Variants in MARK3 observed in about 807,000 individuals in gnomAD.
MARK3 encodes the protein MAP/microtubule affinity-regulating kinase 3.
Under a neutral mutation model 90.1 loss-of-function variants are expected in MARK3, and 46 were observed. The observed-to-expected ratio is 0.51, with a 90% CI of 0.40 to 0.65. The LOEUF (loss-of-function observed/expected upper bound fraction) is 0.65. MARK3 is among the 30% of genes least tolerant of loss of function. MARK3 has a pLI of 0.00. For missense variants in MARK3, 818 were observed against 947.2 expected (o/e 0.86, Z 1.79); for synonymous variants, 321 against 332.6 (o/e 0.97, Z 0.38).
At chr14:103,497,162 A>G (rs2075397333) in intron 15 of MARK3, among the ~76,000 whole-genome samples, 1 of 152,254 alleles carries the variant, frequency 6.6e-6, no homozygotes, top group South Asian at 2.1e-4. Context: ...GGCAGTATAT[A>G]TTAAAGATTT....
chr14:103,488,190 AG>A (rs1159026545), intron 14 of MARK3, among the ~76,000 whole-genome samples: 1 of 152,214 alleles, frequency 6.6e-6, no homozygotes, highest in Non-Finnish European at 1.5e-5. Context: ...CAGTCTAAAC[AG>A]GCTTAAATAT....
Position 103,503,507 on chromosome 14 carries a change from A to G in MARK3, c.*280A>G, listed in dbSNP as rs1034638994. ...TGCCTCCCGTCTGGGTGGGTGTGAG[A>G]GTGGACGGTATGTGTGTGAAGTGGT... is the stretch of plus-strand genomic sequence containing the variant. On this transcript the variant is annotated 3_prime_UTR_variant, in exon 18 of 18. Coordinates refer to ENST00000429436, the MANE Select transcript of MARK3 (RefSeq NM_001128918.3). 18 of 451,140 alleles carry G rather than the reference A, an allele frequency of 4.0e-5. No homozygotes were observed. The highest frequency in any genetic ancestry group is 7.8e-5 in the Admixed American group (2 of 25,658). The allele number at this position is 451,140 out of a possible 1,614,324, so 27.9% of individuals were successfully genotyped here.
chr14:103,430,759 T>G (rs1314944024), intron 3 of MARK3, among the ~76,000 whole-genome samples: 1 of 152,238 alleles, frequency 6.6e-6, no homozygotes, highest in Non-Finnish European at 1.5e-5. Context: ...CTGAGTTGAC[T>G]ATGTTTGCAA....
At chr14:103,409,020 G>A (rs2091470834) in intron 2 of MARK3, among the ~76,000 whole-genome samples, 1 of 152,036 alleles carries the variant, frequency 6.6e-6, no homozygotes, top group Admixed American at 6.6e-5. Context: ...TCCTCATGTG[G>A]GCAGAGATGG....
intron 10 of MARK3, among the ~76,000 whole-genome samples, chr14:103,466,767 G>A (rs1467594798): frequency 6.6e-6 from 1 of 152,178 alleles, no homozygotes; most frequent in Admixed American, 6.5e-5. Context: ...CACTTTGGGA[G>A]GCCAAGGCGG....
chr14:103,486,892 GTATGTCAAAAAGTTTAT>G (rs2093939131), intron 14 of MARK3, among the ~76,000 whole-genome samples: 1 of 141,742 alleles, frequency 7.1e-6, no homozygotes, highest in African/African-American at 3.0e-5. Context: ...TTTAAAATTA[GTATGTCAAAAAGTTTAT>G]TTATTTATTT....
At chr14:103,464,766 A>C (rs1011173138) in intron 7 of MARK3, among the ~76,000 whole-genome samples, 8 of 145,466 alleles carry the variant, frequency 5.5e-5, no homozygotes, top group African/African-American at 2.1e-4. Context: ...GCACAGTCAT[A>C]GCTCACTGCA....
chr14:103,500,309 A>G, intron 17 of MARK3, 109 bp downstream of exon 17: 1 of 830,246 alleles, frequency 1.2e-6, no homozygotes, highest in Middle Eastern at 3.3e-4. Context: ...CTGTCTCTGT[A>G]GGAGTTACGT....
intron 14 of MARK3, chr14:103,490,576 T>G (rs1221601314): frequency 6.6e-6 from 1 of 152,190 alleles, no homozygotes; most frequent in Non-Finnish European, 1.5e-5. Flanking sequence ...GGGAACAGGT[T>G]GAGAGCATAG....
At chr14:103,449,921 G>A (rs1230728037) in intron 4 of MARK3, among the ~76,000 whole-genome samples, 1 of 150,108 alleles carries the variant, frequency 6.7e-6, no homozygotes, top group Non-Finnish European at 1.5e-5. Context: ...TAGTATCAAG[G>A]ATAGCCTATC....
At chr14:103,500,239 GT>G in intron 17 of MARK3, 39 bp downstream of exon 17, 1 of 1,486,270 alleles carries the variant, frequency 6.7e-7, no homozygotes, top group Non-Finnish European at 9.2e-7. Context: ...TTTTTCAGGT[GT>G]TTACTTCATT....
At chr14:103,426,112 T>A (rs997176814) in intron 2 of MARK3, among the ~76,000 whole-genome samples, 1 of 152,224 alleles carries the variant, frequency 6.6e-6, no homozygotes, top group Non-Finnish European at 1.5e-5. Flanking sequence ...GCTTTTTTCA[T>A]TCTGTCTCTC....
At chr14:103,407,862 G>A (rs943508943) in intron 2 of MARK3, among the ~76,000 whole-genome samples, 1 of 151,954 alleles carries the variant, frequency 6.6e-6, no homozygotes, top group Non-Finnish European at 1.5e-5. Flanking sequence ...CCCAACCTTT[G>A]ATGTAGTTTC....
At chr14:103,431,745 C>T (rs905834417) in intron 3 of MARK3, among the ~76,000 whole-genome samples, 10 of 152,130 alleles carry the variant, frequency 6.6e-5, no homozygotes, top group Non-Finnish European at 1.3e-4. Context: ...GCTATTAGAG[C>T]CTTTTCCCCT....
At chr14:103,465,239 A>G (rs762653554) in intron 7 of MARK3, among the ~76,000 whole-genome samples, 3 of 152,180 alleles carry the variant, frequency 2.0e-5, no homozygotes, top group Non-Finnish European at 4.4e-5. Context: ...AAGTGCTGGG[A>G]TCATAGGTGT....
At chr14:103,388,890 T>C (rs1289353635) in intron 1 of MARK3, among the ~76,000 whole-genome samples, 1 of 152,232 alleles carries the variant, frequency 6.6e-6, no homozygotes, top group Admixed American at 6.5e-5. Flanking sequence ...CTTGTTTGGA[T>C]GTGCCACAAT....
chr14:103,495,635 T>C (rs1455303597), intron 15 of MARK3, among the ~76,000 whole-genome samples: 1 of 152,198 alleles, frequency 6.6e-6, no homozygotes, highest in Non-Finnish European at 1.5e-5. Flanking sequence ...AGACTCAGGC[T>C]TGTTGTTTAA....
chr14:103,411,053 T>C (rs779587175), intron 2 of MARK3, among the ~76,000 whole-genome samples: 1 of 152,160 alleles, frequency 6.6e-6, no homozygotes, highest in African/African-American at 2.4e-5. Context: ...GGTGGGTGGA[T>C]CACGAGGTCA....
chr14:103,401,438 T>C (rs953366141), intron 1 of MARK3, among the ~76,000 whole-genome samples: 1 of 152,194 alleles, frequency 6.6e-6, no homozygotes, highest in African/African-American at 2.4e-5. Flanking sequence ...TCCTCATGAT[T>C]TAACACAATA....
Sources: gnomAD v4.1 joint callset for allele counts (sites outside exome capture counted in the v4.1 genomes callset) on GRCh38, gnomAD v4.1.1 for gene constraint, MANE v1.5 for transcripts, NCBI Gene and HGNC (gene_info 2026-07-23, HGNC 2026-07-21) for gene names.